The following OPHN1 variants were observed in gnomAD, a reference collection of about 807,000 sequenced individuals.
The protein encoded by OPHN1 is oligophrenin-1.
Under a neutral mutation model 60.7 loss-of-function variants are expected in OPHN1, and 11 were observed. The observed-to-expected ratio is 0.18, with a 90% CI of 0.11 to 0.30. OPHN1 has a LOEUF of 0.30. OPHN1 is among the 10% of genes least tolerant of loss of function. The pLI is 1.00. For synonymous variants in OPHN1, 226 were observed against 222.6 expected (o/e 1.02, Z -0.14); for missense variants, 449 against 611.0 (o/e 0.73, Z 2.80).
At chrX:68,423,370 T>C (rs1178872485) in intron 2 of OPHN1, among the ~76,000 whole-genome samples, 1 of 110,702 alleles carries the variant, frequency 9.0e-6, no homozygotes, top group Non-Finnish European at 1.9e-5. Flanking sequence ...TGATGTTCTA[T>C]AAGATAGAGC....
At chrX:68,344,607 G>A (rs2078370298) in intron 2 of OPHN1, among the ~76,000 whole-genome samples, 1 of 110,780 alleles carries the variant, frequency 9.0e-6, no homozygotes, top group Non-Finnish European at 1.9e-5. Flanking sequence ...GGGCAACGTG[G>A]CTCACACCTG....
intron 21 of OPHN1, among the ~76,000 whole-genome samples, chrX:68,058,383 T>C (rs2765959): frequency 0.45 from 48,748 of 109,410 alleles, 9,361 homozygotes; most frequent in African/African-American, 0.74. Flanking sequence ...TACTATAAAC[T>C]AGCATCCACA....
chrX:68,380,318 C>T (rs1182851858), intron 2 of OPHN1, among the ~76,000 whole-genome samples: 4 of 111,185 alleles, frequency 3.6e-5, no homozygotes, highest in Non-Finnish European at 7.5e-5. Flanking sequence ...ATTCTTCTCT[C>T]TTTTCTTCTT....
intron 2 of OPHN1, among the ~76,000 whole-genome samples, chrX:68,393,335 G>A (rs1602382257): frequency 8.9e-6 from 1 of 112,034 alleles, no homozygotes; most frequent in East Asian, 2.8e-4. Flanking sequence ...CTTTCACTCA[G>A]GCTGGAGTGC....
intron 15 of OPHN1, among the ~76,000 whole-genome samples, chrX:68,151,780 C>A (rs939987659): frequency 8.9e-6 from 1 of 111,929 alleles, no homozygotes; most frequent in Admixed American, 9.5e-5. Context: ...ATCTTTACTT[C>A]CTTGTATTAG....
intron 4 of OPHN1, among the ~76,000 whole-genome samples, chrX:68,281,151 T>C (rs1351263640): frequency 8.9e-6 from 1 of 111,925 alleles, no homozygotes; most frequent in Non-Finnish European, 1.9e-5. Flanking sequence ...CTGACTTCAA[T>C]GCTTTTTACT....
intron 15 of OPHN1, among the ~76,000 whole-genome samples, chrX:68,182,633 G>A (rs1008811903): frequency 1.6e-4 from 18 of 111,890 alleles, no homozygotes; most frequent in Middle Eastern, 4.6e-3. Context: ...GGGTCTGGCC[G>A]GGCGCAGTGG....
chrX:68,298,287 A>G (rs772228911), intron 3 of OPHN1, among the ~76,000 whole-genome samples: 1 of 112,014 alleles, frequency 8.9e-6, no homozygotes, highest in Non-Finnish European at 1.9e-5. Context: ...ACCCATAGAA[A>G]ACGCTTAAAT....
At chrX:68,418,826 T>G (rs984079526) in intron 2 of OPHN1, among the ~76,000 whole-genome samples, 1 of 111,746 alleles carries the variant, frequency 8.9e-6, no homozygotes, top group Non-Finnish European at 1.9e-5. Context: ...ATCGAGATCA[T>G]AGGTGAAACT....
chrX:68,261,446 T>A lies in OPHN1; in HGVS notation c.384+13292A>T, dbSNP rs150662453. Among the ~76,000 whole-genome samples the A allele has an allele frequency of 8.1e-3, 898 of 111,525 alleles. 7 individuals are homozygous for A. The highest frequency in any genetic ancestry group is 0.028 in the African/African-American group (866 of 30,641). On this transcript the variant is annotated intron_variant, in intron 5 of 24. Transcript: ENST00000355520. ...TAAACAGAGCTGGACTAAGACTTGC[T>A]TGTCCTCCCTTAATCTTGGGTCAGA...
intron 2 of OPHN1, among the ~76,000 whole-genome samples, chrX:68,424,618 TA>T (rs1014700010): frequency 2.7e-5 from 3 of 111,255 alleles, no homozygotes; most frequent in Non-Finnish European, 5.7e-5. Flanking sequence ...TGGCTATGCT[TA>T]AAAAAAATAA....
At chrX:68,392,866 C>T (rs2078660662) in intron 2 of OPHN1, among the ~76,000 whole-genome samples, 1 of 109,800 alleles carries the variant, frequency 9.1e-6, no homozygotes, top group Admixed American at 9.8e-5. Context: ...AGCTCCCCAT[C>T]CGGCCCACTG....
In OPHN1 at chrX:68,274,851, A is replaced by G. The variant is rs1330889219; in HGVS notation, c.313-42T>C. On this transcript the variant is annotated intron_variant, in intron 4 of 24. Transcript: ENST00000355520. ...AACAAACAAAACAATTTCTAGGTTA[A>G]CAAGGTTCAGATACAAGATTCCTTG... is the stretch of plus-strand genomic sequence containing the variant. The G allele has an allele frequency of 1.1e-5, 11 of 1,004,881 alleles. No homozygotes were observed. In the Admixed American group the frequency reaches 2.0e-4, roughly 18 times the overall value. The allele number at this position is 1,004,881 out of a possible 1,213,427, so 82.8% of individuals were successfully genotyped here.
intron 21 of OPHN1, among the ~76,000 whole-genome samples, chrX:68,058,672 G>A (rs1239409471): frequency 8.9e-6 from 1 of 111,802 alleles, no homozygotes; most frequent in East Asian, 2.8e-4. Context: ...TTCCTAAGAG[G>A]TTGTTACCTA....
At chrX:68,380,926 A>C (rs2078593232) in intron 2 of OPHN1, among the ~76,000 whole-genome samples, 2 of 111,675 alleles carry the variant, frequency 1.8e-5, no homozygotes, top group Middle Eastern at 4.7e-3. Flanking sequence ...ACAGAAGAGG[A>C]AACAAAGCTT....
chrX:68,131,190 T>TTTCA (rs767788758), intron 15 of OPHN1, among the ~76,000 whole-genome samples: 2 of 98,483 alleles, frequency 2.0e-5, no homozygotes, highest in Non-Finnish European at 4.1e-5. Context: ...CAAAGAACAC[T>TTTCA]TTTATTTATT....
intron 2 of OPHN1, among the ~76,000 whole-genome samples, chrX:68,366,841 T>C (rs991772652): frequency 8.9e-6 from 1 of 112,032 alleles, no homozygotes; most frequent in Non-Finnish European, 1.9e-5. Context: ...ACATGAATTA[T>C]GTTATTTAAT....
chrX:68,124,383 G>T (rs2077161807), intron 15 of OPHN1, among the ~76,000 whole-genome samples: 2 of 110,995 alleles, frequency 1.8e-5, no homozygotes, highest in Non-Finnish European at 3.8e-5. Flanking sequence ...TACACCCAAT[G>T]CTGGAGCACC....
At position 68,111,868 on chromosome X, in the gene OPHN1, T is replaced by G. The variant is rs745685598; in HGVS notation, c.1512A>C (p.Ile504=). The G allele has an allele frequency of 1.1e-5, 13 of 1,196,780 alleles. No individual in the cohort carries two copies. In the Admixed American group the frequency reaches 1.1e-4, roughly 10 times the overall value. Residue 504 remains isoleucine, a synonymous_variant, in exon 18 of 25, where the codon ATA becomes ATC. Transcript: ENST00000355520. ...EKNREMLELL[I]RHLVNVCEHS... ...CAGTTACTTACTTGACCAAGTGTCT[T>G]ATCAGAAGTTCCAGCATCTCTCGGT...
Sources: allele counts gnomAD v4.1 joint callset (sites outside exome capture counted in the v4.1 genomes callset), GRCh38; gene constraint gnomAD v4.1.1; transcripts MANE v1.5; gene names NCBI Gene and HGNC (gene_info 2026-07-23, HGNC 2026-07-21).